The following PTPRD variants were observed in gnomAD, a reference collection of about 807,000 sequenced individuals.
PTPRD encodes the protein protein tyrosine phosphatase receptor type D.
Under a neutral mutation model 214.5 loss-of-function variants are expected in PTPRD, and 34 were observed. That is an observed-to-expected ratio of 0.16 (90% CI 0.12 to 0.21). The LOEUF is 0.21. Ranked by LOEUF, PTPRD falls within the 10% of genes least tolerant of loss-of-function variation. The pLI is 1.00. For missense variants in PTPRD, 2,545 were observed against 2,398.7 expected (o/e 1.06, Z -1.27); for synonymous variants, 1,128 against 845.7 (o/e 1.33, Z -5.79).
At chr9:9,086,435 A>AGG (rs2099767135) in intron 10 of PTPRD, among the ~76,000 whole-genome samples, 1 of 152,204 alleles carries the variant, frequency 6.6e-6, no homozygotes, top group Non-Finnish European at 1.5e-5. Context: ...CTAGGAGCCT[A>AGG]AAGACTGATT....
At chr9:9,464,930 A>G (rs1215799991) in intron 8 of PTPRD, among the ~76,000 whole-genome samples, 3 of 152,210 alleles carry the variant, frequency 2.0e-5, no homozygotes, top group African/African-American at 7.2e-5. Context: ...AGCATTGTGC[A>G]TGAAACCTCA....
At chr9:9,207,751 T>C (rs957738549) in intron 9 of PTPRD, among the ~76,000 whole-genome samples, 6 of 152,204 alleles carry the variant, frequency 3.9e-5, no homozygotes, top group South Asian at 2.1e-4. Flanking sequence ...CAATATTTGG[T>C]CAAAGCTGTT....
chr9:10,512,011 C>T (rs868426900), intron 2 of PTPRD, among the ~76,000 whole-genome samples: 20 of 41,146 alleles, frequency 4.9e-4, no homozygotes, highest in South Asian at 2.9e-3. Context: ...TATATATATA[C>T]GTGTGTGTAT....
chr9:10,229,968 C>T (rs543432509), intron 3 of PTPRD, among the ~76,000 whole-genome samples: 16 of 151,966 alleles, frequency 1.1e-4, no homozygotes, highest in Non-Finnish European at 2.1e-4. Context: ...TTAATACACT[C>T]GTATATATTT....
At chr9:9,235,363 A>G (rs1162136417) in intron 9 of PTPRD, among the ~76,000 whole-genome samples, 1 of 152,128 alleles carries the variant, frequency 6.6e-6, no homozygotes, top group African/African-American at 2.4e-5. Context: ...AGAGGCCAAG[A>G]AGAGTTTCCA....
chr9:9,937,547 G>T (rs2089990590), intron 5 of PTPRD, among the ~76,000 whole-genome samples: 1 of 151,832 alleles, frequency 6.6e-6, no homozygotes. Flanking sequence ...AATATTTTCA[G>T]ATATTCCTAA....
chr9:8,811,352 G>C (rs554141038), intron 11 of PTPRD, among the ~76,000 whole-genome samples: 45 of 152,056 alleles, frequency 3.0e-4, no homozygotes, highest in Non-Finnish European at 6.5e-4. Context: ...GACCCCCCTA[G>C]GCTATGAGCA....
intron 11 of PTPRD, among the ~76,000 whole-genome samples, chr9:8,809,364 T>A (rs2096754591): frequency 6.6e-6 from 1 of 152,134 alleles, no homozygotes; most frequent in African/African-American, 2.4e-5. Context: ...GGCATCTGCA[T>A]CTTACAGGTG....
chr9:9,819,656 C>T (rs978414177), intron 5 of PTPRD, among the ~76,000 whole-genome samples: 1 of 151,514 alleles, frequency 6.6e-6, no homozygotes, highest in Non-Finnish European at 1.5e-5. Flanking sequence ...CATCCCTTGT[C>T]CCCCTCCCTC....
In PTPRD at chr9:8,760,740, G is replaced by C. The variant is rs138821508; in HGVS notation, c.-103-26794C>G. Reference sequence around the variant, plus strand: ...CTCCCTTTGATGTTTCTGTGGGTCTGAAGAATGCAATGGCCTTTCTAGTGA... The same window carrying C: ...CTCCCTTTGATGTTTCTGTGGGTCTCAAGAATGCAATGGCCTTTCTAGTGA... On this transcript the variant is annotated intron_variant, in intron 11 of 45. Transcript: ENST00000381196. 1.2e-3 allele frequency among the ~76,000 whole-genome samples: 188 copies of C among 152,162 alleles called. 1 individual carries two copies. The highest frequency in any genetic ancestry group is 4.1e-3 in the African/African-American group (169 of 41,518).
At chr9:9,840,754 T>A (rs1372749434) in intron 5 of PTPRD, among the ~76,000 whole-genome samples, 1 of 80,586 alleles carries the variant, frequency 1.2e-5, no homozygotes, top group Non-Finnish European at 2.1e-5. Context: ...AGAGCAAGAC[T>A]CCGTTTCAAA....
In PTPRD at chr9:8,523,529, G is replaced by A; in HGVS notation, c.680-5C>T. On this transcript the variant is annotated splice_polypyrimidine_tract_variant and splice_region_variant and intron_variant, in intron 18 of 45. Transcript: ENST00000381196. ...CACACCAACCTTCTCGCAGCTCTGAGGGATGTAGGGGGTTTGATGCAGAAC... is the reference window on the plus strand; with the variant it reads ...CACACCAACCTTCTCGCAGCTCTGAAGGATGTAGGGGGTTTGATGCAGAAC... 1.9e-6 allele frequency: 3 copies of A among 1,613,164 alleles called. No individual in the cohort carries two copies. Among genetic ancestry groups the A allele is most frequent in the Non-Finnish European group, 2.5e-6 (3 of 1,179,464 alleles).
intron 5 of PTPRD, among the ~76,000 whole-genome samples, chr9:9,872,064 G>C (rs1185371303): frequency 2.0e-5 from 3 of 152,108 alleles, no homozygotes; most frequent in Admixed American, 6.6e-5. Flanking sequence ...CTGTGGTGGG[G>C]TCATGATGGC....
At position 9,188,601 on chromosome 9, in the gene PTPRD, G is replaced by A. The variant is rs1416992473; in HGVS notation, c.-202-5238C>T. 5.9e-5 allele frequency among the ~76,000 whole-genome samples: 9 copies of A among 152,088 alleles called. No individual in the cohort carries two copies. In the East Asian group the frequency reaches 1.4e-3, roughly 23 times the overall value. ...GGAGTGAAGGCTTGGACTAGAAAAG[G>A]GAAGACCCCTGACCTAGGATTCAGT... On this transcript the variant is annotated intron_variant, in intron 9 of 45. Coordinates refer to ENST00000381196, the MANE Select transcript of PTPRD (RefSeq NM_002839.4).
chr9:9,029,492 T>C (rs1229043798), intron 10 of PTPRD, among the ~76,000 whole-genome samples: 2 of 38,642 alleles, frequency 5.2e-5, no homozygotes, highest in African/African-American at 1.7e-4. Flanking sequence ...CCTAGCTACT[T>C]GCACTAAAAA....
chr9:10,282,877 A>G (rs2095195320), intron 3 of PTPRD, among the ~76,000 whole-genome samples: 1 of 152,262 alleles, frequency 6.6e-6, no homozygotes, highest in East Asian at 1.9e-4. Context: ...GTGTACCTCA[A>G]AGAAACCTTC....
At chr9:8,939,398 T>TACTCTTA (rs77624782) in intron 11 of PTPRD, among the ~76,000 whole-genome samples, 22,463 of 152,086 alleles carry the variant, frequency 0.15, 1,774 homozygotes, top group South Asian at 0.21. Context: ...GACAGATGCA[T>TACTCTTA]ACTCTTAACT....
At chr9:10,342,503 T>C (rs922881363) in intron 2 of PTPRD, among the ~76,000 whole-genome samples, 1 of 152,126 alleles carries the variant, frequency 6.6e-6, no homozygotes, top group African/African-American at 2.4e-5. Flanking sequence ...GAAAAATTTA[T>C]ATAACAACTA....
chr9:8,727,879 C>G (rs901038812), intron 12 of PTPRD, among the ~76,000 whole-genome samples: 5 of 152,146 alleles, frequency 3.3e-5, no homozygotes, highest in African/African-American at 9.7e-5. Context: ...AAAGTTCTCC[C>G]ATTTAAAGTA....
Sources: allele counts gnomAD v4.1 joint callset (sites outside exome capture counted in the v4.1 genomes callset), GRCh38; gene constraint gnomAD v4.1.1; transcripts MANE v1.5; gene names NCBI Gene and HGNC (gene_info 2026-07-23, HGNC 2026-07-21).